PLCB1: variants seen among roughly 807,000 people sequenced by gnomAD.
The protein encoded by PLCB1 is 1-phosphatidylinositol 4,5-bisphosphate phosphodiesterase beta-1.
A neutral mutation model predicts 161.8 loss-of-function variants in PLCB1; 46 were observed. The ratio of observed to expected loss-of-function variants is 0.28; its 90% CI spans 0.22 to 0.36. PLCB1 has a LOEUF of 0.36. Among genes scored for constraint, PLCB1 ranks in the 10% least tolerant of loss-of-function variants. PLCB1 has a pLI of 1.00. For missense variants in PLCB1, 1,016 were observed against 1,472.5 expected, an observed-to-expected ratio of 0.69 and a Z score of 5.07; for synonymous variants, 517 against 503.7, an observed-to-expected ratio of 1.03 and a Z score of -0.35.
chr20:8,377,339 G>A (rs1987120518), intron 3 of PLCB1, among the ~76,000 whole-genome samples: 1 of 152,172 alleles, frequency 6.6e-6, no homozygotes, highest in South Asian at 2.1e-4. Flanking sequence ...AGGAATAGAG[G>A]AAGGCCAATG....
chr20:8,674,997 G>C (rs1290721027), intron 9 of PLCB1, among the ~76,000 whole-genome samples: 2 of 151,896 alleles, frequency 1.3e-5, no homozygotes, highest in African/African-American at 2.4e-5. Flanking sequence ...TAGATTTGAT[G>C]GTATAATTTC....
intron 31 of PLCB1, among the ~76,000 whole-genome samples, chr20:8,812,267 A>G (rs1213693983): frequency 2.0e-5 from 3 of 152,204 alleles, no homozygotes; most frequent in Admixed American, 6.5e-5. Flanking sequence ...GAGACTTTGT[A>G]TGTACCTCTC....
intron 26 of PLCB1, 127 bp downstream of exon 26, chr20:8,765,485 A>G (rs1179934538): frequency 5.9e-6 from 4 of 674,760 alleles, no homozygotes; most frequent in African/African-American, 1.8e-5. Context: ...TCCGTTCTCC[A>G]TAGCTTTTGT....
intron 3 of PLCB1, among the ~76,000 whole-genome samples, chr20:8,521,279 A>G (rs910795587): frequency 1.3e-5 from 2 of 152,066 alleles, no homozygotes; most frequent in African/African-American, 2.4e-5. Flanking sequence ...TAAGATGTCA[A>G]CCTACATGTG....
chr20:8,740,676 G>T (rs918834796), intron 22 of PLCB1, among the ~76,000 whole-genome samples: 6 of 152,048 alleles, frequency 3.9e-5, no homozygotes, highest in Admixed American at 2.0e-4. Flanking sequence ...TCAGTTTTTT[G>T]AATATTTATT....
At chr20:8,401,209 A>G (rs976941933) in intron 3 of PLCB1, among the ~76,000 whole-genome samples, 2 of 152,186 alleles carry the variant, frequency 1.3e-5, no homozygotes, top group African/African-American at 4.8e-5. Context: ...ATTTTCCAAT[A>G]TATAGTTCTT....
chr20:8,272,601 G>A (rs181775744), intron 2 of PLCB1, among the ~76,000 whole-genome samples: 137 of 151,938 alleles, frequency 9.0e-4, no homozygotes, highest in African/African-American at 2.7e-3. Flanking sequence ...AATTGACCTC[G>A]AGTATACCCA....
intron 3 of PLCB1, among the ~76,000 whole-genome samples, chr20:8,402,805 A>G (rs558857231): frequency 6.6e-6 from 1 of 152,104 alleles, no homozygotes; most frequent in East Asian, 1.9e-4. Context: ...AGATCGTGCC[A>G]CTGCACTCCA....
At chr20:8,548,265 CCTT>C (rs1985635650) in intron 3 of PLCB1, among the ~76,000 whole-genome samples, 1 of 137,998 alleles carries the variant, frequency 7.2e-6, no homozygotes, top group African/African-American at 2.8e-5. Context: ...ACCCTTCCTT[CCTT>C]CTTTCATTTT....
chr20:8,577,002 A>G (rs1311092343), intron 3 of PLCB1, among the ~76,000 whole-genome samples: 3 of 152,220 alleles, frequency 2.0e-5, no homozygotes, highest in Non-Finnish European at 4.4e-5. Context: ...GAGCCAGGTC[A>G]TGAAAAGGGA....
At chr20:8,531,772 G>A (rs1984826848) in intron 3 of PLCB1, among the ~76,000 whole-genome samples, 1 of 151,460 alleles carries the variant, frequency 6.6e-6, no homozygotes, top group Non-Finnish European at 1.5e-5. Context: ...ATATATATAT[G>A]TATATGCACA....
chr20:8,319,466 A>G (rs1487730528), intron 2 of PLCB1, among the ~76,000 whole-genome samples: 1 of 152,046 alleles, frequency 6.6e-6, no homozygotes, highest in Non-Finnish European at 1.5e-5. Flanking sequence ...GGAGAGCATC[A>G]GGCCCTTTGA....
At chr20:8,770,143 G>A (rs1982595971) in intron 26 of PLCB1, among the ~76,000 whole-genome samples, 2 of 152,194 alleles carry the variant, frequency 1.3e-5, no homozygotes, top group East Asian at 1.9e-4. Flanking sequence ...TAGTAGAGAC[G>A]GGGTTTCACT....
intron 31 of PLCB1, among the ~76,000 whole-genome samples, chr20:8,795,877 CA>C (rs368453811): frequency 7.1e-4 from 51 of 71,760 alleles, no homozygotes; most frequent in Middle Eastern, 7.8e-3. Context: ...CACCCTGTCT[CA>C]AAAAAAAAAA....
rs1394261603 is a variant in PLCB1 at position 8,664,084 on chromosome 20, CATGCTTTT to C, written c.862+5383_862+5390del. On this transcript the variant is annotated intron_variant, in intron 9 of 31. Transcript: ENST00000338037. The stretch of plus-strand genomic sequence containing the variant: ...ACCAAAAGAAAGCAGTAATTTTTTT[CATGCTTTT>C]ATTCTGTGGAGATCAGGTGTTCATG... Among the ~76,000 whole-genome samples, 9 of 152,106 alleles carry C rather than the reference CATGCTTTT, an allele frequency of 5.9e-5. No individual in the cohort carries two copies. In the East Asian group the frequency reaches 1.7e-3, roughly 29 times the overall value.
rs546256031 is a variant in PLCB1, at chr20:8,276,825, A to G, written c.178-94557A>G. ...GATTCATATATACAACAGCACAACC[A>G]TAGCCCCGCCATGAAATACTGCTGG... is the stretch of plus-strand genomic sequence containing the variant. On this transcript the variant is annotated intron_variant, in intron 2 of 31. Coordinates refer to ENST00000338037, the MANE Select transcript of PLCB1 (RefSeq NM_015192.4). 3.3e-5 allele frequency among the ~76,000 whole-genome samples: 5 copies of G among 152,072 alleles called. No homozygotes were observed. In the South Asian group the frequency reaches 6.2e-4, roughly 19 times the overall value.
At chr20:8,537,338 A>C (rs1301829610) in intron 3 of PLCB1, among the ~76,000 whole-genome samples, 4 of 152,070 alleles carry the variant, frequency 2.6e-5, no homozygotes, top group African/African-American at 9.7e-5. Context: ...TGCCCTCCGA[A>C]GGTCATATAC....
chr20:8,684,830 C>T, intron 9 of PLCB1, 102 bp from the exon 10 acceptor site: 1 of 791,708 alleles, frequency 1.3e-6, no homozygotes, highest in Non-Finnish European at 2.1e-6. Context: ...ATGTCTTCTA[C>T]CTTGGACACT....
intron 3 of PLCB1, among the ~76,000 whole-genome samples, chr20:8,606,779 A>G (rs1987770297): frequency 6.6e-6 from 1 of 152,214 alleles, no homozygotes; most frequent in Non-Finnish European, 1.5e-5. Flanking sequence ...AGATTGACAG[A>G]ATTTCTCTCA....
Sources: allele counts gnomAD v4.1 joint callset (sites outside exome capture counted in the v4.1 genomes callset), GRCh38; gene constraint gnomAD v4.1.1; transcripts MANE v1.5; gene names NCBI Gene and HGNC (gene_info 2026-07-23, HGNC 2026-07-21).